Variants in GASK1B observed in about 807,000 individuals in gnomAD.
GASK1B encodes the protein golgi associated kinase 1B, also known as Golgi-associated kinase 1B.
Under a neutral mutation model 42.8 loss-of-function variants are expected in GASK1B, and 34 were observed. The ratio of observed to expected loss-of-function variants is 0.79; its 90% CI spans 0.60 to 1.06. GASK1B has a LOEUF of 1.06. GASK1B is among the 50% of genes least tolerant of loss of function. The pLI, the probability that GASK1B is intolerant of heterozygous loss-of-function variation, is 0.00. For missense variants in GASK1B, 686 were observed against 661.0 expected (o/e 1.04, Z -0.42); for synonymous variants, 262 against 259.1 (o/e 1.01, Z -0.11).
rs1732438395 is a variant in GASK1B, at chr4:158,170,544, A to C, written c.832T>G (p.Phe278Val). 1 of 1,614,230 alleles carries C rather than the reference A, an allele frequency of 6.2e-7. No homozygotes were observed. Among genetic ancestry groups the C allele is most frequent in the African/African-American group, 1.3e-5 (1 of 75,074 alleles). Residue 278 changes from phenylalanine (F) to valine (V), a missense_variant, in exon 2 of 5, where the codon TTT becomes GTT. Coordinates refer to ENST00000585682, the MANE Select transcript of GASK1B (RefSeq NM_001128424.2). ...AGGATCCTGTCTAGGTGGAAGGCAA[A>C]CACCTCACTCATGTCCAAGGGCTGC... is the stretch of plus-strand genomic sequence containing the variant. Reference protein sequence around the residue: ...LKQPLDMSEVFAFHLDRILGL... With the variant: ...LKQPLDMSEVVAFHLDRILGL...
chr4:158,132,393 T>C (rs1730716885), intron 3 of GASK1B, among the ~76,000 whole-genome samples: 1 of 152,190 alleles, frequency 6.6e-6, no homozygotes, highest in Non-Finnish European at 1.5e-5. Flanking sequence ...TTTGGAATGA[T>C]CATTTATTCA....
intron 3 of GASK1B, among the ~76,000 whole-genome samples, chr4:158,145,496 A>T (rs948385751): frequency 3.9e-5 from 6 of 152,064 alleles, no homozygotes; most frequent in Non-Finnish European, 8.8e-5. Flanking sequence ...CACTCAATGA[A>T]CTTTTTCATA....
At chr4:158,144,089 C>T (rs1347704452) in intron 3 of GASK1B, among the ~76,000 whole-genome samples, 2 of 152,044 alleles carry the variant, frequency 1.3e-5, no homozygotes, top group African/African-American at 4.8e-5. Context: ...TGTATATGTA[C>T]TTATTTTATA....
chr4:158,131,345 A>C (rs1272525179), intron 3 of GASK1B, among the ~76,000 whole-genome samples: 3 of 152,236 alleles, frequency 2.0e-5, no homozygotes, highest in Non-Finnish European at 2.9e-5. Context: ...AGCAGAAGAA[A>C]CACCATTGTA....
intron 3 of GASK1B, among the ~76,000 whole-genome samples, chr4:158,131,968 C>G (rs1730700405): frequency 6.6e-6 from 1 of 152,156 alleles, no homozygotes; most frequent in Non-Finnish European, 1.5e-5. Flanking sequence ...AAAATGAAAA[C>G]TACTGTTACT....
chr4:158,164,085 C>T lies in GASK1B; in HGVS notation c.910+6381G>A, dbSNP rs543823186. The stretch of plus-strand genomic sequence containing the variant: ...GAAGGTTCTTAGTGAATCCTCACAT[C>T]GGTGACTGGAAGATTTCCTCCAGAA... On this transcript the variant is annotated intron_variant, in intron 2 of 4. Coordinates refer to ENST00000585682, the MANE Select transcript of GASK1B (RefSeq NM_001128424.2). Among the ~76,000 whole-genome samples, 12 of 152,250 alleles carry T rather than the reference C, an allele frequency of 7.9e-5. No individual in the cohort carries two copies. In the South Asian group the frequency reaches 1.7e-3, roughly 21 times the overall value.
rs1315098809 is a variant in GASK1B at position 158,131,000 on chromosome 4, A to G, written c.1138T>C (p.Leu380=). The change falls in exon 4 of 5, where the codon TTA becomes CTA. Residue 380 remains leucine (L), a synonymous_variant. Coordinates refer to ENST00000585682, the MANE Select transcript of GASK1B (RefSeq NM_001128424.2). ...FDFLLQIYNR[L]DTNCCGFRPR... ...CTGAATCCACAGCAATTTGTATCTA[A>G]GCGATTATAAATCTGTAAATGGAAA... 1 of 1,613,118 alleles carries G rather than the reference A, an allele frequency of 6.2e-7. No homozygotes were observed. The highest frequency in any genetic ancestry group is 8.5e-7 in the Non-Finnish European group (1 of 1,179,574).
chr4:158,130,007 T>G (rs953399303), intron 4 of GASK1B, among the ~76,000 whole-genome samples: 1 of 152,212 alleles, frequency 6.6e-6, no homozygotes, highest in Admixed American at 6.5e-5. Context: ...AAGTGTGCCA[T>G]GAGCAACCAC....
In GASK1B at chr4:158,163,545, G is replaced by A. The variant is rs148174887; in HGVS notation, c.910+6921C>T. 7.6e-4 allele frequency among the ~76,000 whole-genome samples: 114 copies of A among 150,642 alleles called. 1 individual carries two copies. The East Asian group carries it at 0.02, about 27-fold the overall frequency. On this transcript the variant is annotated intron_variant, in intron 2 of 4. Coordinates refer to ENST00000585682, the MANE Select transcript of GASK1B (RefSeq NM_001128424.2). ...GATCACAGCACTGCACTCCAGCCTG[G>A]ACGACAGAGCAAGACTCTGTCTCAG...
At chr4:158,152,639 A>G (rs532351204) in intron 3 of GASK1B, among the ~76,000 whole-genome samples, 1 of 152,296 alleles carries the variant, frequency 6.6e-6, no homozygotes, top group African/African-American at 2.4e-5. Flanking sequence ...TACCAAAAAG[A>G]TAATCCACCA....
Position 158,127,258 on chromosome 4 carries a change from C to T in GASK1B, c.*149G>A, listed in dbSNP as rs1730491318. ...TAAGTATGCATACAGTGCTAAGTCC[C>T]ATTATAGCTACTTGGTTAAAGTCAT... On this transcript the variant is annotated 3_prime_UTR_variant, in exon 5 of 5. Coordinates refer to ENST00000585682, the MANE Select transcript of GASK1B (RefSeq NM_001128424.2). 1 of 654,436 alleles carries T rather than the reference C, an allele frequency of 1.5e-6. No homozygotes were observed. Among genetic ancestry groups the T allele is most frequent in the Non-Finnish European group, 2.7e-6 (1 of 373,796 alleles). 40.5% of individuals were successfully genotyped at this position (654,436 alleles called of 1,614,324 possible).
chr4:158,140,825 C>G (rs1731086765), intron 3 of GASK1B, among the ~76,000 whole-genome samples: 1 of 152,176 alleles, frequency 6.6e-6, no homozygotes, highest in South Asian at 2.1e-4. Flanking sequence ...AGACTTACAA[C>G]TGAAGCATAC....
chr4:158,139,701 T>C (rs1440979814), intron 3 of GASK1B, among the ~76,000 whole-genome samples: 1 of 152,164 alleles, frequency 6.6e-6, no homozygotes, highest in Non-Finnish European at 1.5e-5. Context: ...ATAAAAATAA[T>C]CTATCATATG....
At chr4:158,161,987 G>A (rs944336208) in intron 2 of GASK1B, among the ~76,000 whole-genome samples, 5 of 151,954 alleles carry the variant, frequency 3.3e-5, no homozygotes, top group African/African-American at 4.8e-5. Context: ...AACTCACATC[G>A]TGCCCCTAAA....
rs1473194517 is a variant in GASK1B at position 158,171,049 on chromosome 4, A to C, written c.327T>G (p.Ile109Met). 6.2e-7 allele frequency: 1 copy of C among 1,613,554 alleles called. No homozygotes were observed. Among genetic ancestry groups the C allele is most frequent in the Admixed American group, 1.7e-5 (1 of 59,998 alleles). Residue 109 changes from isoleucine (I) to methionine (M), a missense_variant, in exon 2 of 5, where the codon ATT (isoleucine) becomes ATG (methionine). By Grantham distance (10) the Ile-to-Met change is conservative (BLOSUM62 1). Coordinates refer to ENST00000585682, the MANE Select transcript of GASK1B (RefSeq NM_001128424.2). ...GCTTGCTGCGCTTGGAGCGTAGGGTAATGTACACCACATTGGGCTGCAGAG... is the reference window on the plus strand; with the variant it reads ...GCTTGCTGCGCTTGGAGCGTAGGGTCATGTACACCACATTGGGCTGCAGAG... ...GSTLQPNVVY[I>M]TLRSKRSKPA...
At position 158,130,863 on chromosome 4, in the gene GASK1B, C is replaced by G. The variant is rs1730649493; in HGVS notation, c.1275G>C (p.Leu425Phe). ...AGAAACCCTTGTTGTCTATAAAAAC[C>G]AAATGCCTTGGGTCATGCTTTCGCT... ...IIQRKHDPRH[L>F]VFIDNKGFFD... The change falls in exon 4 of 5, where the codon TTG becomes TTC. Residue 425 changes from leucine (L) to phenylalanine (F), a missense_variant. Transcript: ENST00000585682. 10 of 1,613,986 alleles carry G rather than the reference C, an allele frequency of 6.2e-6. No individual in the cohort carries two copies. Among genetic ancestry groups the G allele is most frequent in the Non-Finnish European group, 8.5e-6 (10 of 1,179,962 alleles).
At chr4:158,164,807 T>G (rs1732163115) in intron 2 of GASK1B, among the ~76,000 whole-genome samples, 1 of 152,070 alleles carries the variant, frequency 6.6e-6, no homozygotes, top group Non-Finnish European at 1.5e-5. Flanking sequence ...AAAGCTGACA[T>G]CCCCCTGCCT....
At chr4:158,160,921 T>C (rs927112837) in intron 2 of GASK1B, among the ~76,000 whole-genome samples, 1 of 151,888 alleles carries the variant, frequency 6.6e-6, no homozygotes, top group Non-Finnish European at 1.5e-5. Flanking sequence ...AGCTCAAAAG[T>C]AGAGAGTAGA....
intron 3 of GASK1B, among the ~76,000 whole-genome samples, chr4:158,147,879 T>C (rs1344913011): frequency 1.3e-5 from 2 of 152,144 alleles, no homozygotes; most frequent in Admixed American, 1.3e-4. Context: ...GCACAATGAT[T>C]TGAATGAGCA....
Sources: allele counts gnomAD v4.1 joint callset (sites outside exome capture counted in the v4.1 genomes callset), GRCh38; gene constraint gnomAD v4.1.1; transcripts MANE v1.5; gene names NCBI Gene and HGNC (gene_info 2026-07-23, HGNC 2026-07-21).